VPS13A: variants seen among roughly 807,000 people sequenced by gnomAD.
VPS13A encodes the protein vacuolar protein sorting 13 homolog A.
Under a neutral mutation model 390.9 loss-of-function variants are expected in VPS13A, and 264 were observed. The observed-to-expected ratio is 0.68, with a 90% CI of 0.61 to 0.75. The LOEUF (loss-of-function observed/expected upper bound fraction) is 0.75, where lower values mean the gene tolerates loss of function less well. VPS13A is among the 30% of genes least tolerant of loss of function. The pLI, the probability that VPS13A is intolerant of heterozygous loss-of-function variation, is 0.00. For missense variants in VPS13A, 3,409 were observed against 3,733.9 expected (o/e 0.91, Z 2.27); for synonymous variants, 1,231 against 1,227.1 (o/e 1.00, Z -0.07).
chr9:77,252,642 C>T (rs1825209274), intron 22 of VPS13A, among the ~76,000 whole-genome samples: 1 of 152,138 alleles, frequency 6.6e-6, no homozygotes, highest in Non-Finnish European at 1.5e-5. Flanking sequence ...CAATAACACC[C>T]CATTTCACCC....
chr9:77,331,702 AT>A (rs1830284312), intron 45 of VPS13A, among the ~76,000 whole-genome samples: 1 of 151,808 alleles, frequency 6.6e-6, no homozygotes, highest in Non-Finnish European at 1.5e-5. Flanking sequence ...TTTTTCTACT[AT>A]TTTTATCTAA....
In VPS13A at chr9:77,344,149, T is replaced by C; in HGVS notation, c.7027-4T>C. On this transcript the variant is annotated splice_region_variant and splice_polypyrimidine_tract_variant and intron_variant, in intron 50 of 71. Coordinates refer to ENST00000360280, the MANE Select transcript of VPS13A (RefSeq NM_033305.3). ...TTTATAAACATATATAATGTATATT[T>C]TAGTGTATCCCCTTTTGGCCTGAGT... The C allele has an allele frequency of 6.3e-7, 1 of 1,584,996 alleles. No homozygotes were observed.
rs896896071 is a variant in VPS13A at position 77,420,424 on chromosome 9, T to C, written c.*4418T>C. 1.3e-5 allele frequency: 2 copies of C among 152,138 alleles called. No homozygotes were observed. The highest frequency in any genetic ancestry group is 4.8e-5 in the African/African-American group (2 of 41,434). 9.4% of individuals were successfully genotyped at this position (152,138 alleles called of 1,614,324 possible). A position where few individuals can be genotyped will look rare whatever the true frequency, so the allele number is the denominator to read the frequency against. ...AAATTTTTCCATGTCATTTAAAAAA[T>C]TTTTTACTTTAGAATTACAGATTAG... On this transcript the variant is annotated 3_prime_UTR_variant, in exon 72 of 72. Coordinates refer to ENST00000360280, the MANE Select transcript of VPS13A (RefSeq NM_033305.3).
chr9:77,399,447 T>C (rs1297554994), intron 68 of VPS13A, among the ~76,000 whole-genome samples: 1 of 152,134 alleles, frequency 6.6e-6, no homozygotes, highest in Non-Finnish European at 1.5e-5. Context: ...TGATGAGAGG[T>C]AGGCTTAATT....
intron 71 of VPS13A, among the ~76,000 whole-genome samples, chr9:77,414,764 T>A (rs115568395): frequency 6.8e-6 from 1 of 146,760 alleles, no homozygotes; most frequent in African/African-American, 2.5e-5. Flanking sequence ...ATAATAATAA[T>A]AATAAAAACT....
intron 71 of VPS13A, among the ~76,000 whole-genome samples, chr9:77,412,984 TC>T (rs1233027510): frequency 6.6e-6 from 1 of 152,114 alleles, no homozygotes. Flanking sequence ...ATGAGTGAAC[TC>T]CCATTCACAA....
intron 68 of VPS13A, chr9:77,384,651 G>GATGATGATGATGATGATT (rs1217330963): frequency 1.2e-6 from 2 of 1,602,294 alleles, no homozygotes; most frequent in African/African-American, 2.7e-5. Context: ...TGATGATGAT[G>GATGATGATGATGATGATT]ATGATGATGA....
At position 77,250,203 on chromosome 9, in the gene VPS13A, G is replaced by A. The variant is rs768677111; in HGVS notation, c.2144G>A (p.Ser715Asn). ...GATTCATTTGATATTCAACTTACAA[G>A]TGTACAGCTGCTTTACAGTAGAGTT... is the stretch of plus-strand genomic sequence containing the variant. The part of the protein sequence containing the change: ...AYDSFDIQLT[S>N]VQLLYSRVGD... Residue 715 changes from serine to asparagine, a missense_variant, in exon 21 of 72, where the codon AGT (serine) becomes AAT (asparagine). Ser to Asn is a conservative substitution (Grantham distance 46). Transcript: ENST00000360280. 2.5e-6 allele frequency: 4 copies of A among 1,613,606 alleles called. No individual in the cohort carries two copies. The African/African-American group carries it at 5.3e-5, about 22-fold the overall frequency.
Position 77,388,301 on chromosome 9 carries a change from A to G in VPS13A, c.9189+6214A>G, listed in dbSNP as rs571194195. Among the ~76,000 whole-genome samples the G allele has an allele frequency of 1.3e-4, 20 of 152,320 alleles. No individual in the cohort carries two copies. The South Asian group carries it at 3.9e-3, about 30-fold the overall frequency. ...ATAAAGTACAGTGAGTACAGCCAGC[A>G]TTATACAAAACGTAGAAAGTCCATC... On this transcript the variant is annotated intron_variant, in intron 68 of 71. Transcript: ENST00000360280.
intron 17 of VPS13A, among the ~76,000 whole-genome samples, chr9:77,229,070 C>CTTTAT (rs914286243): frequency 6.6e-6 from 1 of 151,976 alleles, no homozygotes; most frequent in Non-Finnish European, 1.5e-5. Flanking sequence ...AATTCTAGAA[C>CTTTAT]TTTATTTTAT....
At chr9:77,353,046 A>G (rs990642484) in intron 53 of VPS13A, among the ~76,000 whole-genome samples, 1 of 152,102 alleles carries the variant, frequency 6.6e-6, no homozygotes, top group African/African-American at 2.4e-5. Flanking sequence ...GTGAATTTCA[A>G]ACTGAAACAA....
At position 77,349,372 on chromosome 9, in the gene VPS13A, G is replaced by A. The variant is rs527301431; in HGVS notation, c.7290-1945G>A. On this transcript the variant is annotated intron_variant, in intron 52 of 71. Coordinates refer to ENST00000360280, the MANE Select transcript of VPS13A (RefSeq NM_033305.3). ...GTTACATGGGTAAATTGCATGTCAC[G>A]GGGTTTTGGTATACAGATTGTTTCA... Among the ~76,000 whole-genome samples the A allele has an allele frequency of 1.5e-4, 23 of 152,048 alleles. No individual in the cohort carries two copies. The South Asian group carries it at 4.4e-3, about 29-fold the overall frequency.
intron 17 of VPS13A, among the ~76,000 whole-genome samples, chr9:77,237,557 G>T (rs772684338): frequency 1.3e-5 from 2 of 151,966 alleles, no homozygotes; most frequent in Non-Finnish European, 2.9e-5. Flanking sequence ...TTGAGACAGG[G>T]TTTCACCACG....
rs1346971677 is a variant in VPS13A, at chr9:77,293,325, A to G, written c.3340-16A>G. 2.5e-6 allele frequency: 4 copies of G among 1,599,750 alleles called. No individual in the cohort carries two copies. The highest frequency in any genetic ancestry group is 2.6e-6 in the Non-Finnish European group (3 of 1,169,408). On this transcript the variant is annotated splice_polypyrimidine_tract_variant and intron_variant, in intron 31 of 71. Transcript: ENST00000360280. ...TTCAAAAATGGATTGTGATAATTAA[A>G]TTTTCTCTTATTAAGGCTGTTTATA...
intron 68 of VPS13A, among the ~76,000 whole-genome samples, chr9:77,390,313 G>A (rs1833850808): frequency 6.6e-6 from 1 of 152,092 alleles, no homozygotes; most frequent in Non-Finnish European, 1.5e-5. Flanking sequence ...AGATTTCATG[G>A]AAAAGATTTC....
At chr9:77,353,351 C>A in intron 53 of VPS13A, 58 bp from the exon 54 acceptor site, 2 of 1,338,656 alleles carry the variant, frequency 1.5e-6, no homozygotes, top group Non-Finnish European at 2.1e-6. Flanking sequence ...ATTTCATGTT[C>A]TTTGGGACCA....
At position 77,227,334 on chromosome 9, in the gene VPS13A, T is replaced by C; in HGVS notation, c.1358-57T>C. 5 of 1,203,236 alleles carry C rather than the reference T, an allele frequency of 4.2e-6. No individual in the cohort carries two copies. In the South Asian group the frequency reaches 6.3e-5, roughly 15 times the overall value. The allele number at this position is 1,203,236 out of a possible 1,614,324, so 74.5% of individuals were successfully genotyped here. A position where few individuals can be genotyped will look rare whatever the true frequency, so the allele number is the denominator to read the frequency against. ...TTCTGTTTATTAAAGGCAGATACATTGTGTTAATTTTATTGTTTTTATTTA... is the reference window on the plus strand; with the variant it reads ...TTCTGTTTATTAAAGGCAGATACATCGTGTTAATTTTATTGTTTTTATTTA... On this transcript the variant is annotated intron_variant, in intron 15 of 71. Transcript: ENST00000360280.
chr9:77,197,242 G>A (rs986638551), intron 1 of VPS13A, among the ~76,000 whole-genome samples: 2 of 152,128 alleles, frequency 1.3e-5, no homozygotes, highest in Admixed American at 1.3e-4. Flanking sequence ...TTCTGCTGTT[G>A]GTGGGTGGAG....
intron 31 of VPS13A, among the ~76,000 whole-genome samples, chr9:77,286,592 G>T (rs749849508): frequency 1.2e-4 from 19 of 152,002 alleles, no homozygotes; most frequent in Non-Finnish European, 2.5e-4. Context: ...GCCTAGTATT[G>T]GTGTTGACAG....
Sources: gnomAD v4.1 joint callset for allele counts (sites outside exome capture counted in the v4.1 genomes callset) on GRCh38, gnomAD v4.1.1 for gene constraint, MANE v1.5 for transcripts, NCBI Gene and HGNC (gene_info 2026-07-23, HGNC 2026-07-21) for gene names.